The following ABCA12 variants were observed in gnomAD, a reference collection of about 807,000 sequenced individuals.
The protein encoded by ABCA12 is glucosylceramide transporter ABCA12.
In ABCA12, 156 loss-of-function variants were observed where a neutral mutation model predicts 293.5. The ratio of observed to expected loss-of-function variants is 0.53; its 90% CI spans 0.47 to 0.61. The LOEUF (loss-of-function observed/expected upper bound fraction) is 0.61. ABCA12 is among the 20% of genes least tolerant of loss of function. ABCA12 has a pLI of 0.00. For synonymous variants in ABCA12, 1,063 were observed against 1,108.0 expected (o/e 0.96, Z 0.81); for missense variants, 2,797 against 3,090.2 (o/e 0.91, Z 2.25).
Position 214,980,523 on chromosome 2 carries a change from G to C in ABCA12, c.4700C>G (p.Ala1567Gly), listed in dbSNP as rs1182721018. Reference sequence around the variant, plus strand: ...CGTGAGGTGATACCCATCGCCAAAGGCTTCCTTGAGGTAAAATGGGGACCC... The same window carrying C: ...CGTGAGGTGATACCCATCGCCAAAGCCTTCCTTGAGGTAAAATGGGGACCC... Reference protein sequence around the residue: ...CCGSPFYLKEAFGDGYHLTLT... With the variant: ...CCGSPFYLKEGFGDGYHLTLT... Residue 1567 changes from alanine (A) to glycine (G), a missense_variant, in exon 31 of 53, where the codon GCC becomes GGC. By Grantham distance (60) the Ala-to-Gly change is moderately conservative (BLOSUM62 0). Transcript: ENST00000272895. 1 of 1,613,678 alleles carries C rather than the reference G, an allele frequency of 6.2e-7. No homozygotes were observed. Among genetic ancestry groups the C allele is most frequent in the Non-Finnish European group, 8.5e-7 (1 of 1,179,972 alleles).
chr2:215,008,491 C>A (rs1034886714), intron 18 of ABCA12, among the ~76,000 whole-genome samples: 1 of 151,904 alleles, frequency 6.6e-6, no homozygotes, highest in South Asian at 2.1e-4. Context: ...AAAAAATGTG[C>A]AATCTCTAAA....
intron 45 of ABCA12, among the ~76,000 whole-genome samples, chr2:214,949,523 C>T (rs1574932964): frequency 6.6e-6 from 1 of 152,224 alleles, no homozygotes; most frequent in South Asian, 2.1e-4. Flanking sequence ...ATTATTCACA[C>T]AAAATCACAA....
chr2:215,050,024 T>A (rs556516405), intron 5 of ABCA12, among the ~76,000 whole-genome samples: 7 of 152,324 alleles, frequency 4.6e-5, no homozygotes, highest in African/African-American at 1.7e-4. Context: ...TCATTGTTAT[T>A]ATTTAAATGA....
chr2:215,119,734 T>TAAAAAAAA (rs386654995), intron 1 of ABCA12, among the ~76,000 whole-genome samples: 2 of 75,546 alleles, frequency 2.6e-5, no homozygotes, highest in Admixed American at 1.4e-4. Flanking sequence ...CATTAAAAAG[T>TAAAAAAAA]AAAAAAAAAA....
intron 2 of ABCA12, among the ~76,000 whole-genome samples, chr2:215,089,381 T>G (rs1268464459): frequency 6.6e-6 from 1 of 152,128 alleles, no homozygotes; most frequent in East Asian, 1.9e-4. Context: ...ATCTAGACCT[T>G]TACTAGCAAG....
At chr2:215,088,913 T>C (rs1038347623) in intron 2 of ABCA12, among the ~76,000 whole-genome samples, 2 of 152,184 alleles carry the variant, frequency 1.3e-5, no homozygotes, top group African/African-American at 2.4e-5. Context: ...GATTCATTGA[T>C]TTAACCATTC....
intron 41 of ABCA12, among the ~76,000 whole-genome samples, chr2:214,957,629 C>CA (rs769161277): frequency 1.5e-4 from 23 of 152,186 alleles, no homozygotes; most frequent in Non-Finnish European, 2.8e-4. Context: ...GACAGCAACT[C>CA]AGACAATTTC....
chr2:214,943,133 T>C, intron 49 of ABCA12, 116 bp from the exon 50 acceptor site: 1 of 800,886 alleles, frequency 1.2e-6, no homozygotes, highest in South Asian at 1.5e-5. Flanking sequence ...TTTTAGTTTT[T>C]TTCTTTTCTT....
chr2:215,121,573 C>T lies in ABCA12; in HGVS notation c.70-9883G>A, dbSNP rs190333172. 1.1e-4 allele frequency among the ~76,000 whole-genome samples: 16 copies of T among 152,248 alleles called. No homozygotes were observed. In the East Asian group the frequency reaches 3.1e-3, roughly 29 times the overall value. ...ACCTTAGTTCCCATGAGGAACCTTA[C>T]TTTCCCAGTGAGGAAATAAAAATGG... On this transcript the variant is annotated intron_variant, in intron 1 of 52. Transcript: ENST00000272895.
intron 8 of ABCA12, 94 bp from the exon 9 acceptor site, chr2:215,031,990 G>C: frequency 6.3e-7 from 1 of 1,593,736 alleles, no homozygotes; most frequent in Non-Finnish European, 8.5e-7. Context: ...AATTAATGAG[G>C]AGAAAATGCA....
At chr2:215,091,127 C>T (rs142068116) in intron 2 of ABCA12, among the ~76,000 whole-genome samples, 7,749 of 152,062 alleles carry the variant, frequency 0.051, 620 homozygotes, top group African/African-American at 0.17. Context: ...CATCCCAAAG[C>T]TTTCTTCTTT....
intron 1 of ABCA12, among the ~76,000 whole-genome samples, chr2:215,128,637 T>C (rs1702979910): frequency 1.3e-5 from 2 of 150,772 alleles, no homozygotes; most frequent in African/African-American, 5.0e-5. Flanking sequence ...GTCCAAAGTT[T>C]CCTAATTTTG....
At chr2:214,946,154 G>A (rs971323601) in intron 48 of ABCA12, among the ~76,000 whole-genome samples, 5 of 151,978 alleles carry the variant, frequency 3.3e-5, no homozygotes, top group African/African-American at 1.2e-4. Context: ...ATTACATATT[G>A]TATACAGGAA....
At position 215,049,380 on chromosome 2, in the gene ABCA12, A is replaced by G. The variant is rs189238218; in HGVS notation, c.693+246T>C. Among the ~76,000 whole-genome samples, 18 of 152,288 alleles carry G rather than the reference A, an allele frequency of 1.2e-4. 1 individual carries two copies. In the East Asian group the frequency reaches 2.9e-3, roughly 24 times the overall value. Reference sequence around the variant, plus strand: ...TTACTGTAGAGCAAAGCCATATTTTATTTATAAAGGTGTGTCCACATTAAC... The same window carrying G: ...TTACTGTAGAGCAAAGCCATATTTTGTTTATAAAGGTGTGTCCACATTAAC... On this transcript the variant is annotated intron_variant, in intron 6 of 52. Coordinates refer to ENST00000272895, the MANE Select transcript of ABCA12 (RefSeq NM_173076.3).
intron 39 of ABCA12, among the ~76,000 whole-genome samples, chr2:214,965,789 A>T (rs56906420): frequency 6.6e-6 from 1 of 152,048 alleles, no homozygotes; most frequent in Non-Finnish European, 1.5e-5. Flanking sequence ...TGTTAGTAAG[A>T]ATGTAAATTA....
chr2:215,046,037 CAG>C (rs1701195151), intron 6 of ABCA12, 22 bp from the exon 7 acceptor site: 3 of 1,610,420 alleles, frequency 1.9e-6, no homozygotes, highest in Non-Finnish European at 2.5e-6. Flanking sequence ...AAACCACAAA[CAG>C]AGCAAAATGA....
At chr2:214,990,681 C>T (rs779741875) in intron 24 of ABCA12, 21 bp downstream of exon 24, 9 of 1,610,882 alleles carry the variant, frequency 5.6e-6, no homozygotes, top group South Asian at 4.4e-5. Flanking sequence ...TCCCACTCTG[C>T]CATTCCAACG....
At chr2:215,131,699 ATTGT>A (rs1159419690) in intron 1 of ABCA12, among the ~76,000 whole-genome samples, 35 of 38,622 alleles carry the variant, frequency 9.1e-4, no homozygotes, top group African/African-American at 3.4e-3. Context: ...GATCCTTTCT[ATTGT>A]TTTTTTTTTT....
intron 7 of ABCA12, 39 bp from the exon 8 acceptor site, chr2:215,037,104 A>G (rs1262996470): frequency 6.5e-7 from 1 of 1,546,784 alleles, no homozygotes. Context: ...ATTCTGTTTC[A>G]AGGTTTGCAG....
Sources: gnomAD v4.1 joint callset for allele counts (sites outside exome capture counted in the v4.1 genomes callset) on GRCh38, gnomAD v4.1.1 for gene constraint, MANE v1.5 for transcripts, NCBI Gene and HGNC (gene_info 2026-07-23, HGNC 2026-07-21) for gene names.